OSBPL6: variants seen among roughly 807,000 people sequenced by gnomAD.
The protein encoded by OSBPL6 is oxysterol binding protein like 6.
OSBPL6 carries 49 observed loss-of-function variants against 125.8 expected under a neutral mutation model. The ratio of observed to expected loss-of-function variants is 0.39; its 90% confidence interval spans 0.31 to 0.49. The LOEUF is 0.49. Among genes scored for constraint, OSBPL6 ranks in the 20% least tolerant of loss-of-function variants. The pLI, the probability that OSBPL6 is intolerant of heterozygous loss-of-function variation, is 0.88. For synonymous variants in OSBPL6, 394 were observed against 391.8 expected, an observed-to-expected ratio of 1.01 and a Z score of -0.07; for missense variants, 986 against 1,135.4, an observed-to-expected ratio of 0.87 and a Z score of 1.89.
At position 178,383,118 on chromosome 2, in the gene OSBPL6, G is replaced by T. The variant is rs1233890124; in HGVS notation, c.1716G>T (p.Trp572Cys). The T allele has an allele frequency of 6.2e-7, 1 of 1,614,046 alleles. No homozygotes were observed. Among genetic ancestry groups the T allele is most frequent in the Non-Finnish European group, 8.5e-7 (1 of 1,180,050 alleles). The part of the protein sequence containing the change: ...PCPDTSNINL[W>C]NILRNNIGKD... ...CTGACACCAGTAACATTAACCTGTG[G>T]AATATCTTGAGGAACAACATTGGTA... The change falls in exon 17 of 25, where the codon TGG (tryptophan) becomes TGT (cysteine). Residue 572 changes from tryptophan to cysteine, a missense_variant. Coordinates refer to ENST00000190611, the MANE Select transcript of OSBPL6 (RefSeq NM_032523.4).
At chr2:178,265,785 C>T (rs1456509359) in intron 1 of OSBPL6, among the ~76,000 whole-genome samples, 2 of 152,284 alleles carry the variant, frequency 1.3e-5, no homozygotes, top group East Asian at 3.9e-4. Flanking sequence ...CTTTCCTCCT[C>T]TACCTTCTTT....
chr2:178,262,721 A>G (rs2092102291), intron 1 of OSBPL6, among the ~76,000 whole-genome samples: 1 of 152,168 alleles, frequency 6.6e-6, no homozygotes, highest in Non-Finnish European at 1.5e-5. Flanking sequence ...GAGAAATCTG[A>G]ATGCTTAAGT....
intron 15 of OSBPL6, 125 bp downstream of exon 15, chr2:178,374,152 A>G: frequency 8.4e-7 from 1 of 1,186,140 alleles, no homozygotes; most frequent in Non-Finnish European, 1.2e-6. Flanking sequence ...TCATAGTAAA[A>G]TGTCCAAATT....
chr2:178,311,897 C>T (rs1221488033), intron 3 of OSBPL6, among the ~76,000 whole-genome samples: 2 of 152,218 alleles, frequency 1.3e-5, no homozygotes, highest in Non-Finnish European at 2.9e-5. Flanking sequence ...GAGTTGGGAG[C>T]ATTCTTCTGC....
chr2:178,223,608 G>A (rs1037121952), intron 1 of OSBPL6, among the ~76,000 whole-genome samples: 5 of 152,188 alleles, frequency 3.3e-5, no homozygotes. Context: ...TTGCCTTGGG[G>A]TAGAACTGTT....
intron 12 of OSBPL6, among the ~76,000 whole-genome samples, chr2:178,352,932 A>G (rs1691422176): frequency 1.3e-5 from 2 of 152,208 alleles, no homozygotes; most frequent in Admixed American, 6.5e-5. Flanking sequence ...TGCAGCCTCC[A>G]CTGTTGATAC....
chr2:178,290,348 C>A (rs1337062566), intron 2 of OSBPL6, among the ~76,000 whole-genome samples: 3 of 150,870 alleles, frequency 2.0e-5, no homozygotes, highest in Non-Finnish European at 2.9e-5. Context: ...AGAAACTTCC[C>A]TTTTTTCTTG....
At chr2:178,327,981 C>T (rs1294197859) in intron 4 of OSBPL6, among the ~76,000 whole-genome samples, 2 of 152,162 alleles carry the variant, frequency 1.3e-5, no homozygotes, top group Admixed American at 6.5e-5. Flanking sequence ...TGAGTACAGG[C>T]AATCGAATTT....
At chr2:178,345,233 T>C (rs1690588640) in intron 11 of OSBPL6, among the ~76,000 whole-genome samples, 1 of 152,250 alleles carries the variant, frequency 6.6e-6, no homozygotes, top group Non-Finnish European at 1.5e-5. Context: ...TATTAGATAA[T>C]ATTTCCTTAA....
At chr2:178,379,411 GAAAGAGAAAGA>G (rs1694251481) in intron 15 of OSBPL6, among the ~76,000 whole-genome samples, 1 of 140,284 alleles carries the variant, frequency 7.1e-6, no homozygotes, top group Non-Finnish European at 1.6e-5. Flanking sequence ...GGGAGGGAAA[GAAAGAGAAAGA>G]AAAGAAAGAG....
At chr2:178,204,907 C>T (rs570236729) in intron 1 of OSBPL6, among the ~76,000 whole-genome samples, 1 of 152,302 alleles carries the variant, frequency 6.6e-6, no homozygotes, top group South Asian at 2.1e-4. Flanking sequence ...TATTCAGTGC[C>T]TACTCTGCAC....
intron 1 of OSBPL6, among the ~76,000 whole-genome samples, chr2:178,196,445 A>G (rs948001896): frequency 2.6e-5 from 4 of 152,294 alleles, no homozygotes; most frequent in African/African-American, 9.6e-5. Flanking sequence ...CAGTGGATGG[A>G]TTACCTTTGG....
chr2:178,368,061 G>T (rs1017257327), intron 13 of OSBPL6, among the ~76,000 whole-genome samples: 1 of 151,996 alleles, frequency 6.6e-6, no homozygotes, highest in Non-Finnish European at 1.5e-5. Flanking sequence ...GCCCTTTTCT[G>T]TTGTCATGAA....
chr2:178,209,292 T>C (rs1289462429), intron 1 of OSBPL6, among the ~76,000 whole-genome samples: 4 of 152,150 alleles, frequency 2.6e-5, no homozygotes, highest in Admixed American at 2.0e-4. Context: ...CATATTTCTT[T>C]GTTTTAAATC....
rs333998 is a variant in OSBPL6, at chr2:178,242,000, G to T, written c.-350-42927G>T. Among the ~76,000 whole-genome samples, 8 of 152,176 alleles carry T rather than the reference G, an allele frequency of 5.3e-5. No homozygotes were observed. The South Asian group carries it at 1.7e-3, about 32-fold the overall frequency. ...GGGAGCAATAGGCAATACCGTACAG[G>T]GTGGGTGTGTAGTAGGCTACACCAC... is the stretch of plus-strand genomic sequence containing the variant. On this transcript the variant is annotated intron_variant, in intron 1 of 24. Transcript: ENST00000190611.
chr2:178,349,806 G>A (rs888664280), intron 12 of OSBPL6, among the ~76,000 whole-genome samples: 2 of 152,190 alleles, frequency 1.3e-5, no homozygotes, highest in Non-Finnish European at 2.9e-5. Context: ...GCAGGGCTCA[G>A]CTAAGCAGCA....
Position 178,397,549 on chromosome 2 carries a change from A to G in OSBPL6, c.*1990A>G, listed in dbSNP as rs971262107. 2 of 152,230 alleles carry G rather than the reference A, an allele frequency of 1.3e-5. No individual in the cohort carries two copies. The highest frequency in any genetic ancestry group is 4.8e-5 in the African/African-American group (2 of 41,458). The allele number at this position is 152,230 out of a possible 1,614,324, so 9.4% of individuals were successfully genotyped here. On this transcript the variant is annotated 3_prime_UTR_variant, in exon 25 of 25. Coordinates refer to ENST00000190611, the MANE Select transcript of OSBPL6 (RefSeq NM_032523.4). Reference sequence around the variant, plus strand: ...GGGAGTCTGTTCTCCTATGGTTGATAAAGCTTTAAATACTATTTAAAGTGG... The same window carrying G: ...GGGAGTCTGTTCTCCTATGGTTGATGAAGCTTTAAATACTATTTAAAGTGG...
In OSBPL6 at chr2:178,391,219, T is replaced by G; in HGVS notation, c.2446+2T>G. 2 of 1,599,168 alleles carry G rather than the reference T, an allele frequency of 1.3e-6. No homozygotes were observed. The highest frequency in any genetic ancestry group is 8.5e-7 in the Non-Finnish European group (1 of 1,173,638). ...CTGCAAAGTGCATTTGGAGACCAGG[T>G]GAGAGTGGCCTGAGTGTTCTGCCAA... On this transcript the variant is annotated splice_donor_variant, in intron 22 of 24. Transcript: ENST00000190611. LOFTEE classifies it high-confidence loss of function.
intron 1 of OSBPL6, among the ~76,000 whole-genome samples, chr2:178,224,950 T>C (rs2090486490): frequency 1.3e-5 from 2 of 152,048 alleles, no homozygotes. Context: ...TAAATAGTTC[T>C]CTCTCTGTGT....
Sources: allele counts gnomAD v4.1 joint callset (sites outside exome capture counted in the v4.1 genomes callset), GRCh38; gene constraint gnomAD v4.1.1; transcripts MANE v1.5; gene names NCBI Gene and HGNC (gene_info 2026-07-23, HGNC 2026-07-21).